Variants in ANO2 observed in about 807,000 individuals in gnomAD.
ANO2 encodes the protein anoctamin-2.
ANO2 carries 101 observed loss-of-function variants against 124.2 expected under a neutral mutation model. That is an observed-to-expected ratio of 0.81 (90% confidence interval 0.69 to 0.96). The LOEUF is 0.96. Among genes scored for constraint, ANO2 ranks in the 40% least tolerant of loss-of-function variants. ANO2 has a pLI of 0.00. For synonymous variants in ANO2, 486 were observed against 482.5 expected, an observed-to-expected ratio of 1.01 and a Z score of -0.09; for missense variants, 1,293 against 1,274.5, an observed-to-expected ratio of 1.01 and a Z score of -0.22.
chr12:5,916,903 AG>A (rs1401347577), intron 3 of ANO2, among the ~76,000 whole-genome samples: 3 of 152,214 alleles, frequency 2.0e-5, no homozygotes, highest in Admixed American at 6.5e-5. Context: ...TTTACACGCG[AG>A]GTCCCAGCAC....
upstream of ANO2, chr12:5,946,180 T>C: frequency 1.9e-6 from 3 of 1,613,858 alleles, no homozygotes; most frequent in Non-Finnish European, 2.5e-6. The surrounding 1 kb of genome is among the most constrained non-coding windows in gnomAD (Gnocchi z 4.1). Flanking sequence ...CTCTCCTATA[T>C]TGATAAGGTA....
intron 4 of ANO2, among the ~76,000 whole-genome samples, chr12:5,847,471 G>A (rs868258728): frequency 2.6e-4 from 40 of 151,992 alleles, no homozygotes; most frequent in African/African-American, 8.9e-4. Context: ...GTGTGTGTGT[G>A]TGTGTGTCCT....
chr12:5,887,197 A>G lies in ANO2; in HGVS notation c.535-33056T>C, dbSNP rs548587974. Among the ~76,000 whole-genome samples the G allele has an allele frequency of 2.0e-5, 3 of 152,332 alleles. No homozygotes were observed. In the South Asian group the frequency reaches 6.2e-4, roughly 32 times the overall value. On this transcript the variant is annotated intron_variant, in intron 3 of 24. Transcript: ENST00000682330. ...GGCTAGGATTTTTTTTAAAGCAGAG[A>G]GGAATAAGAAATTCATAAAATCCAC...
intron 10 of ANO2, among the ~76,000 whole-genome samples, chr12:5,763,819 T>C (rs747234095): frequency 2.0e-4 from 30 of 151,694 alleles, no homozygotes; most frequent in Non-Finnish European, 3.8e-4. Context: ...AAGAAAGAAA[T>C]AATAAAGATT....
chr12:5,874,679 CAT>C (rs768624507), intron 3 of ANO2, among the ~76,000 whole-genome samples: 1 of 152,212 alleles, frequency 6.6e-6, no homozygotes, highest in Non-Finnish European at 1.5e-5. Flanking sequence ...AAACCTCACA[CAT>C]GTCTGCAAAG....
chr12:5,718,494 TG>T (rs1950101727), intron 14 of ANO2, among the ~76,000 whole-genome samples: 1 of 152,206 alleles, frequency 6.6e-6, no homozygotes, highest in South Asian at 2.1e-4. Context: ...GAGTCTGCTT[TG>T]GAGATGACAA....
At chr12:5,851,647 T>C (rs1403025553) in intron 4 of ANO2, among the ~76,000 whole-genome samples, 1 of 145,696 alleles carries the variant, frequency 6.9e-6, no homozygotes, top group Non-Finnish European at 1.5e-5. Context: ...ATCACACCAC[T>C]GCACTCCAGC....
chr12:5,812,901 C>A (rs958344741), intron 7 of ANO2, among the ~76,000 whole-genome samples: 111 of 110,862 alleles, frequency 1.0e-3, no homozygotes, highest in African/African-American at 4.0e-3. Context: ...GAGAAGCAAA[C>A]AAGCAAGCAA....
At position 5,578,516 on chromosome 12, in the gene ANO2, T is replaced by C. The variant is rs1301960331; in HGVS notation, c.2236A>G (p.Ile746Val). ...AAGAGGGTGACAAAACCAAACTGGATGACTGCGAGAGAGCACAGCATGAGG... is the reference window on the plus strand; with the variant it reads ...AAGAGGGTGACAAAACCAAACTGGACGACTGCGAGAGAGCACAGCATGAGG... ...GLTPEYMEMI[I>V]QFGFVTLFVA... Residue 746 changes from isoleucine to valine, a missense_variant and splice_region_variant, in exon 21 of 25, where the codon ATC becomes GTC. Transcript: ENST00000682330. 7 of 1,612,794 alleles carry C rather than the reference T, an allele frequency of 4.3e-6. No homozygotes were observed. The highest frequency in any genetic ancestry group is 5.9e-6 in the Non-Finnish European group (7 of 1,179,478).
intron 10 of ANO2, among the ~76,000 whole-genome samples, chr12:5,753,985 C>T (rs1459665894): frequency 6.6e-6 from 1 of 152,040 alleles, no homozygotes; most frequent in Admixed American, 6.6e-5. Context: ...ACTTTTTTTA[C>T]TATTGAATAT....
intron 7 of ANO2, among the ~76,000 whole-genome samples, chr12:5,824,487 G>C (rs1230002758): frequency 6.6e-6 from 1 of 152,116 alleles, no homozygotes; most frequent in Admixed American, 6.5e-5. Flanking sequence ...CTTCACACCA[G>C]TTCCCAACAA....
At chr12:5,807,436 T>C in intron 7 of ANO2, 68 bp from the exon 8 acceptor site, 2 of 1,395,998 alleles carry the variant, frequency 1.4e-6, no homozygotes, top group Non-Finnish European at 2.0e-6. Flanking sequence ...CCCCTGTTTT[T>C]TGATAAATAA....
rs183305111 is a variant in ANO2 at position 5,672,518 on chromosome 12, T to C, written c.1546-24717A>G. On this transcript the variant is annotated intron_variant, in intron 14 of 24. Coordinates refer to ENST00000682330, the MANE Select transcript of ANO2 (RefSeq NM_001364791.2). Reference sequence around the variant, plus strand: ...TCTCCTTCAGTTCACTTTCCTTCAGTTGAGTTTGGACCCAGAGTGTGGACC... The same window carrying C: ...TCTCCTTCAGTTCACTTTCCTTCAGCTGAGTTTGGACCCAGAGTGTGGACC... 3.2e-3 allele frequency among the ~76,000 whole-genome samples: 483 copies of C among 152,336 alleles called. 3 individuals carry two copies. Among genetic ancestry groups the C allele is most frequent in the African/African-American group, 0.011 (466 of 41,584 alleles).
chr12:5,869,079 G>C (rs1955505002), intron 3 of ANO2, among the ~76,000 whole-genome samples: 1 of 152,184 alleles, frequency 6.6e-6, no homozygotes, highest in Non-Finnish European at 1.5e-5. Flanking sequence ...GCAAATGAGA[G>C]AATGGGCGCA....
At chr12:5,834,229 G>T (rs1029000059) in intron 4 of ANO2, among the ~76,000 whole-genome samples, 3 of 152,152 alleles carry the variant, frequency 2.0e-5, no homozygotes, top group Admixed American at 2.0e-4. Context: ...ACTAAGTGTG[G>T]GCTAATCTGT....
chr12:5,923,257 TACACACACACAC>T lies in ANO2; in HGVS notation c.23-465_23-454del, dbSNP rs34200084. ...ACATACACACACGCATACACACACA[TACACACACACAC>T]ACACACACACGCACACACACAGCGT... On this transcript the variant is annotated intron_variant, in intron 1 of 24. Coordinates refer to ENST00000682330, the MANE Select transcript of ANO2 (RefSeq NM_001364791.2). Among the ~76,000 whole-genome samples the T allele has an allele frequency of 6.1e-4, 45 of 74,346 alleles. 1 individual carries two copies. The highest frequency in any genetic ancestry group is 2.9e-3 in the Admixed American group (19 of 6,470). The allele number at this position is 74,346 out of a possible 152,430, so 48.8% of individuals were successfully genotyped here. A position where few individuals can be genotyped will look rare whatever the true frequency, so the allele number is the denominator to read the frequency against.
intron 3 of ANO2, among the ~76,000 whole-genome samples, chr12:5,854,721 A>C (rs1416587451): frequency 6.6e-6 from 1 of 152,224 alleles, no homozygotes; most frequent in African/African-American, 2.4e-5. Flanking sequence ...CTCCTATATG[A>C]ATACAGAACA....
At chr12:5,660,117 A>G (rs754720530) in intron 14 of ANO2, among the ~76,000 whole-genome samples, 3 of 151,908 alleles carry the variant, frequency 2.0e-5, no homozygotes, top group Non-Finnish European at 4.4e-5. Context: ...CGACTTTACA[A>G]CAGGTTTATC....
intron 14 of ANO2, among the ~76,000 whole-genome samples, chr12:5,703,024 T>C (rs150877571): frequency 2.0e-5 from 3 of 152,254 alleles, no homozygotes; most frequent in Non-Finnish European, 4.4e-5. Flanking sequence ...CATAGACGCC[T>C]CCAAAACACA....
Sources: gnomAD v4.1 joint callset for allele counts (sites outside exome capture counted in the v4.1 genomes callset) on GRCh38, gnomAD v4.1.1 for gene constraint, Gnocchi (gnomAD v3.1) non-coding constraint, MANE v1.5 for transcripts, NCBI Gene and HGNC (gene_info 2026-07-23, HGNC 2026-07-21) for gene names.